The following DNAH7 variants were observed in gnomAD, a reference collection of about 807,000 sequenced individuals.
DNAH7 encodes the protein axonemal beta dynein heavy chain 7.
A neutral mutation model predicts 444.6 loss-of-function variants in DNAH7; 397 were observed. That is an observed-to-expected ratio of 0.89 (90% confidence interval 0.82 to 0.97). DNAH7 has a LOEUF of 0.97. Ranked by LOEUF, DNAH7 falls within the 50% of genes least tolerant of loss-of-function variation. DNAH7 has a pLI of 0.00. For synonymous variants in DNAH7, 1,636 were observed against 1,624.4 expected, an observed-to-expected ratio of 1.01 and a Z score of -0.17; for missense variants, 4,902 against 4,800.8, an observed-to-expected ratio of 1.02 and a Z score of -0.62.
intron 12 of DNAH7, chr2:195,994,652 T>C (rs1693574685): frequency 2.0e-6 from 1 of 511,238 alleles, no homozygotes. Context: ...GGCTCTCTAT[T>C]GAGTAAAGTG....
intron 2 of DNAH7, among the ~76,000 whole-genome samples, chr2:196,056,045 T>C (rs1697781148): frequency 1.3e-5 from 2 of 152,234 alleles, no homozygotes; most frequent in African/African-American, 2.4e-5. Context: ...CACACATATG[T>C]CAGAAAAATC....
intron 55 of DNAH7, 98 bp from the exon 56 acceptor site, chr2:195,796,835 A>C: frequency 1.5e-6 from 2 of 1,310,294 alleles, no homozygotes; most frequent in Non-Finnish European, 2.0e-6. Context: ...TTACAACTTA[A>C]TTGGGTCACA....
chr2:195,932,445 A>C (rs1422791588), intron 21 of DNAH7, among the ~76,000 whole-genome samples: 15 of 152,054 alleles, frequency 9.9e-5, no homozygotes, highest in Admixed American at 9.8e-4. Flanking sequence ...AGAACTTCCA[A>C]CACTATGTTG....
intron 63 of DNAH7, among the ~76,000 whole-genome samples, chr2:195,747,868 C>T (rs1475526015): frequency 6.6e-6 from 1 of 152,196 alleles, no homozygotes; most frequent in African/African-American, 2.4e-5. Context: ...GACAAACCCA[C>T]AGCCAATATC....
chr2:195,932,883 T>C (rs1179563459), intron 21 of DNAH7, among the ~76,000 whole-genome samples: 1 of 152,170 alleles, frequency 6.6e-6, no homozygotes, highest in Non-Finnish European at 1.5e-5. Context: ...AAATTCTCTT[T>C]TTTTGCTGTG....
At chr2:196,044,788 T>C (rs73044638) in intron 5 of DNAH7, among the ~76,000 whole-genome samples, 37,687 of 151,944 alleles carry the variant, frequency 0.25, 7,579 homozygotes, top group African/African-American at 0.55. Flanking sequence ...GAACTACTGG[T>C]CAGACACAGT....
At position 196,001,765 on chromosome 2, in the gene DNAH7, G is replaced by GA; in HGVS notation, c.1082dup (p.Asn362GlnfsTer34). ...AAGTCATAAGTGCAGCAGCACAGTT[G>GA]AAAAAAGATTCCAATTTGGCACTGC... On this transcript the variant is annotated frameshift_variant, in exon 11 of 65. Transcript: ENST00000312428. LOFTEE classifies it high-confidence loss of function. The GA allele has an allele frequency of 2.5e-6, 4 of 1,612,712 alleles. No individual in the cohort carries two copies. Among genetic ancestry groups the GA allele is most frequent in the Non-Finnish European group, 3.4e-6 (4 of 1,179,406 alleles).
chr2:195,811,930 A>T (rs1421821986), intron 51 of DNAH7, among the ~76,000 whole-genome samples: 1 of 152,144 alleles, frequency 6.6e-6, no homozygotes, highest in Non-Finnish European at 1.5e-5. Flanking sequence ...TTTGGAAGAA[A>T]TTTAGTTTAC....
At chr2:195,806,651 C>T in intron 54 of DNAH7, 89 bp downstream of exon 54, 1 of 1,052,518 alleles carries the variant, frequency 9.5e-7, no homozygotes, top group Non-Finnish European at 1.4e-6. Flanking sequence ...CTACCTCCCC[C>T]ATGATTACAT....
rs781559351 is a variant in DNAH7 at position 196,001,763 on chromosome 2, T to C, written c.1085A>G (p.Asn362Ser). The change falls in exon 11 of 65, where the codon AAC (asparagine) becomes AGC (serine). Residue 362 changes from asparagine to serine, a missense_variant. Asn to Ser is a conservative substitution (Grantham distance 46). Coordinates refer to ENST00000312428, the MANE Select transcript of DNAH7 (RefSeq NM_018897.3). ...TAAAGTCATAAGTGCAGCAGCACAG[T>C]TGAAAAAAGATTCCAATTTGGCACT... The part of the protein sequence containing the change: ...DSSAKLESFF[N>S]CAAALMTLQL... The C allele has an allele frequency of 4.0e-5, 65 of 1,613,042 alleles. No homozygotes were observed. Among genetic ancestry groups the C allele is most frequent in the Admixed American group, 1.7e-4 (10 of 59,878 alleles).
At chr2:195,842,241 T>G (rs1698732274) in intron 47 of DNAH7, among the ~76,000 whole-genome samples, 1 of 152,134 alleles carries the variant, frequency 6.6e-6, no homozygotes, top group African/African-American at 2.4e-5. Flanking sequence ...CACTAATCTT[T>G]GAAATTCTAA....
intron 2 of DNAH7, among the ~76,000 whole-genome samples, chr2:196,054,612 C>G (rs1020007423): frequency 2.0e-5 from 3 of 152,178 alleles, no homozygotes; most frequent in African/African-American, 7.2e-5. Flanking sequence ...CCTCCACCTA[C>G]TAAATCAGTC....
intron 24 of DNAH7, among the ~76,000 whole-genome samples, chr2:195,919,087 AAAAAATAC>A (rs1477211484): frequency 6.6e-6 from 1 of 151,794 alleles, no homozygotes; most frequent in Non-Finnish European, 1.5e-5. Flanking sequence ...TGTCTCTACT[AAAAAATAC>A]AAAAAATAGC....
intron 16 of DNAH7, among the ~76,000 whole-genome samples, chr2:195,971,309 T>C (rs1252445633): frequency 6.6e-6 from 1 of 152,200 alleles, no homozygotes; most frequent in Admixed American, 6.6e-5. Context: ...CATTTACTAA[T>C]ACAGTAGCTA....
chr2:195,781,175 C>T (rs751846246), intron 58 of DNAH7, among the ~76,000 whole-genome samples: 5 of 152,144 alleles, frequency 3.3e-5, no homozygotes, highest in Non-Finnish European at 7.4e-5. Flanking sequence ...ACTGCCTGGG[C>T]TTGCGCTGTT....
intron 32 of DNAH7, 92 bp downstream of exon 32, chr2:195,888,707 A>G: frequency 7.7e-7 from 1 of 1,306,946 alleles, no homozygotes; most frequent in Non-Finnish European, 1.0e-6. Flanking sequence ...AATTCTGCTA[A>G]TATTTTTTGT....
At chr2:196,022,660 A>T (rs557566309) in intron 8 of DNAH7, among the ~76,000 whole-genome samples, 27 of 152,332 alleles carry the variant, frequency 1.8e-4, no homozygotes, top group African/African-American at 6.3e-4. Flanking sequence ...ACACATCTGC[A>T]GTGACTTCCT....
intron 12 of DNAH7, chr2:195,994,441 A>G: frequency 1.7e-6 from 1 of 592,990 alleles, no homozygotes; most frequent in Non-Finnish European, 3.1e-6. Context: ...TTGGCTGGGG[A>G]GGCCAAGGGA....
At chr2:195,795,470 T>C (rs1439423420) in intron 56 of DNAH7, among the ~76,000 whole-genome samples, 1 of 152,060 alleles carries the variant, frequency 6.6e-6, no homozygotes. Context: ...AAAAGAATAG[T>C]TTTTCAGGCA....
Sources: allele counts gnomAD v4.1 joint callset (sites outside exome capture counted in the v4.1 genomes callset), GRCh38; gene constraint gnomAD v4.1.1; transcripts MANE v1.5; gene names NCBI Gene and HGNC (gene_info 2026-07-23, HGNC 2026-07-21).